DUSP2: variants seen among roughly 807,000 people sequenced by gnomAD.
DUSP2 encodes dual specificity phosphatase 2.
In DUSP2, 20 loss-of-function variants were observed where a neutral mutation model predicts 23.3. The observed-to-expected ratio is 0.86, with a 90% CI of 0.60 to 1.25. The LOEUF is 1.25. DUSP2 is among the 50% of genes most tolerant of loss of function. The pLI is 0.00. For missense variants in DUSP2, 435 were observed against 452.6 expected (o/e 0.96, Z 0.35); for synonymous variants, 231 against 209.7 (o/e 1.10, Z -0.88).
intron 2 of DUSP2, 98 bp from the exon 3 acceptor site, chr2:96,144,471 G>T: frequency 1.6e-6 from 2 of 1,222,090 alleles, no homozygotes; most frequent in Non-Finnish European, 2.3e-6. Context: ...GAGACAAGAG[G>T]ACTCCTCAGC....
At chr2:96,144,088 AGACAGGT>A in intron 3 of DUSP2, 51 bp from the exon 4 acceptor site, 1 of 1,612,390 alleles carries the variant, frequency 6.2e-7, no homozygotes, top group Middle Eastern at 1.7e-4. Context: ...ACAGCCCAGG[AGACAGGT>A]GCCCCCAGTC....
Position 96,144,191 on chromosome 2 carries a change from C to G in DUSP2, c.693G>C (p.Glu231Asp), listed in dbSNP as rs199945308. 6.2e-7 allele frequency: 1 copy of G among 1,614,156 alleles called. No homozygotes were observed. The highest frequency in any genetic ancestry group is 8.5e-7 in the Non-Finnish European group (1 of 1,180,034). Residue 231 changes from glutamate (E) to aspartate (D), a missense_variant, in exon 3 of 4, where the codon GAG (glutamate) becomes GAC (aspartate). By Grantham distance (45) the Glu-to-Asp change is conservative. Transcript: ENST00000288943. ...SIPVEDNQMV[E>D]ISAWFQEAIG... ...TGGCCTCCTGGAACCAGGCACTGAT[C>G]TCCACCATCTGGTTGTCCTCCACAG...
At chr2:96,144,940 C>T (rs1455012331) in intron 1 of DUSP2, 27 bp downstream of exon 1, 2 of 1,548,136 alleles carry the variant, frequency 1.3e-6, no homozygotes, top group Non-Finnish European at 1.7e-6. Flanking sequence ...TCGGGTGGGG[C>T]GGGCCAAGGG....
intron 2 of DUSP2, 64 bp from the exon 3 acceptor site, chr2:96,144,437 G>T (rs1682464608): frequency 1.9e-6 from 3 of 1,539,222 alleles, no homozygotes; most frequent in Non-Finnish European, 1.8e-6. Context: ...GAGCAGCAGC[G>T]GGTGGAGACC....
In DUSP2 at chr2:96,144,475, C is replaced by T. The variant is rs1682465798; in HGVS notation, c.511-102G>A. The T allele has an allele frequency of 1.2e-5, 14 of 1,150,058 alleles. No individual in the cohort carries two copies. The Admixed American group carries it at 2.8e-4, about 23-fold the overall frequency. The allele number at this position is 1,150,058 out of a possible 1,614,324, so 71.2% of individuals were successfully genotyped here. A position where few individuals can be genotyped will look rare whatever the true frequency, so the allele number is the denominator to read the frequency against. ...ATGGGCTGGCCGAGACAAGAGGACT[C>T]CTCAGCCAGTCCTCCTGACCTGAGA... On this transcript the variant is annotated intron_variant, in intron 2 of 3. Coordinates refer to ENST00000288943, the MANE Select transcript of DUSP2 (RefSeq NM_004418.4).
chr2:96,145,236 CG>C lies in DUSP2; in HGVS notation c.118del (p.Arg40GlyfsTer201). On this transcript the variant is annotated frameshift_variant, in exon 1 of 4. Transcript: ENST00000288943. LOFTEE classifies it high-confidence loss of function. ...LDCRPFLAFC[R>X]RHVRAARPVP... ...TGGCCGCGCGGCGCGCACGTGGCGC[CG>C]GCAGAAGGCCAGGAAGGGGCGGCAG... is the stretch of plus-strand genomic sequence containing the variant. 7.8e-7 allele frequency: 1 copy of C among 1,276,770 alleles called. No homozygotes were observed. The highest frequency in any genetic ancestry group is 9.8e-7 in the Non-Finnish European group (1 of 1,018,674). 79.1% of individuals were successfully genotyped at this position (1,276,770 alleles called of 1,614,324 possible).
Position 96,143,594 on chromosome 2 carries a change from G to A in DUSP2, c.*229C>T. 3.4e-6 allele frequency: 2 copies of A among 589,318 alleles called. No individual in the cohort carries two copies. Among genetic ancestry groups the A allele is most frequent in the South Asian group, 4.1e-5 (2 of 48,754 alleles). 36.5% of individuals were successfully genotyped at this position (589,318 alleles called of 1,614,324 possible). On this transcript the variant is annotated 3_prime_UTR_variant, in exon 4 of 4. Coordinates refer to ENST00000288943, the MANE Select transcript of DUSP2 (RefSeq NM_004418.4). Reference sequence around the variant, plus strand: ...GAGGGAAAGAGCAGACACACCCTTGGTTCCCGACCCCGAATGAGGGCCAGC... The same window carrying A: ...GAGGGAAAGAGCAGACACACCCTTGATTCCCGACCCCGAATGAGGGCCAGC...
intron 2 of DUSP2, 92 bp downstream of exon 2, chr2:96,144,669 C>T (rs1682471040): frequency 2.4e-6 from 3 of 1,235,510 alleles, no homozygotes; most frequent in South Asian, 1.5e-5. Flanking sequence ...GGGCAAACTG[C>T]TCGCATCCCC....
Position 96,143,655 on chromosome 2 carries a change from G to C in DUSP2, c.*168C>G. On this transcript the variant is annotated 3_prime_UTR_variant, in exon 4 of 4. Transcript: ENST00000288943. ...CAGCAGAAGAGCACCAGGTCGGAAA[G>C]ACCAGCATGCCGGCATTCCTAGAGC... The C allele has an allele frequency of 2.5e-6, 2 of 805,596 alleles. No individual in the cohort carries two copies. The highest frequency in any genetic ancestry group is 3.9e-6 in the Non-Finnish European group (2 of 515,774). The allele number at this position is 805,596 out of a possible 1,614,324, so 49.9% of individuals were successfully genotyped here. A position where few individuals can be genotyped will look rare whatever the true frequency, so the allele number is the denominator to read the frequency against.
In DUSP2 at chr2:96,144,008, G is replaced by A; in HGVS notation, c.760C>T (p.Leu254=). 6.2e-7 allele frequency: 1 copy of A among 1,613,808 alleles called. No individual in the cohort carries two copies. Among genetic ancestry groups the A allele is most frequent in the South Asian group, 1.1e-5 (1 of 91,078 alleles). ...GAGATACCCGCCTGGCAGTGCACCA[G>A]CACCCGGCCTCCGCTGTTCTTCACC... is the stretch of plus-strand genomic sequence containing the variant. The part of the protein sequence containing the change: ...DWVKNSGGRV[L]VHCQAGISRS... The change falls in exon 4 of 4, where the codon CTG becomes TTG. Residue 254 remains leucine, a synonymous_variant. Transcript: ENST00000288943.
At position 96,143,865 on chromosome 2, in the gene DUSP2, C is replaced by T. The variant is rs1370835146; in HGVS notation, c.903G>A (p.Met301Ile). The T allele has an allele frequency of 1.2e-6, 2 of 1,613,520 alleles. No individual in the cohort carries two copies. Among genetic ancestry groups the T allele is most frequent in the Admixed American group, 1.7e-5 (1 of 60,008 alleles). ...GGGTCTCAAACTGCAGCAGCTGCCC[C>T]ATGAAACTGAAGTTGGGGGAGATGA... is the stretch of plus-strand genomic sequence containing the variant. ...RGVISPNFSF[M>I]GQLLQFETQV... Residue 301 changes from methionine to isoleucine, a missense_variant, in exon 4 of 4, where the codon ATG becomes ATA. Coordinates refer to ENST00000288943, the MANE Select transcript of DUSP2 (RefSeq NM_004418.4).
intron 3 of DUSP2, 45 bp from the exon 4 acceptor site, chr2:96,144,082 C>G: frequency 6.2e-7 from 1 of 1,612,392 alleles, no homozygotes; most frequent in African/African-American, 1.3e-5. Context: ...ATGTGCACAG[C>G]CCAGGAGACA....
Position 96,144,390 on chromosome 2 carries a change from G to A in DUSP2, c.511-17C>T. 6.2e-7 allele frequency: 1 copy of A among 1,606,834 alleles called. No individual in the cohort carries two copies. Among genetic ancestry groups the A allele is most frequent in the South Asian group, 1.1e-5 (1 of 90,924 alleles). On this transcript the variant is annotated splice_polypyrimidine_tract_variant and intron_variant, in intron 2 of 3. Coordinates refer to ENST00000288943, the MANE Select transcript of DUSP2 (RefSeq NM_004418.4). ...AGGGCCACCCTGGAGGGAACAGAGG[G>A]GCGGTGAGGCCTTTCCAGCCCAGCC...
rs747722629 is a variant in DUSP2, at chr2:96,143,941, C to G, written c.827G>C (p.Arg276Pro). Residue 276 changes from arginine to proline, a missense_variant, in exon 4 of 4, where the codon CGC becomes CCC. Physicochemically the swap from Arg to Pro is moderately radical, Grantham distance 103. Coordinates refer to ENST00000288943, the MANE Select transcript of DUSP2 (RefSeq NM_004418.4). Reference sequence around the variant, plus strand: ...AAAGGCCTCGTCCAGCCGCACACGGCGACTCTGCATGAGGTATGCCAGACA... The same window carrying G: ...AAAGGCCTCGTCCAGCCGCACACGGGGACTCTGCATGAGGTATGCCAGACA... The part of the protein sequence containing the change: ...TICLAYLMQS[R>P]RVRLDEAFDF... The G allele has an allele frequency of 1.2e-6, 2 of 1,613,790 alleles. No homozygotes were observed. Among genetic ancestry groups the G allele is most frequent in the South Asian group, 2.2e-5 (2 of 91,076 alleles).
In DUSP2 at chr2:96,144,982, C is replaced by G; in HGVS notation, c.373G>C (p.Val125Leu). 6.5e-7 allele frequency: 1 copy of G among 1,545,092 alleles called. No homozygotes were observed. The highest frequency in any genetic ancestry group is 2.4e-5 in the East Asian group (1 of 41,754). The change falls in exon 1 of 4, where the codon GTG becomes CTG. Residue 125 changes from valine to leucine, a missense_variant. Val to Leu is a conservative substitution (Grantham distance 32). Coordinates refer to ENST00000288943, the MANE Select transcript of DUSP2 (RefSeq NM_004418.4). ...LHETRAGPTA[V>L]YFLRGGFDGF... ...GCTTGCTCACCTCGCAGGAAGTACA[C>G]GGCAGTGGGCCCCGCGCGGGTCTCG...
chr2:96,144,225 T>C lies in DUSP2; in HGVS notation c.659A>G (p.Lys220Arg), dbSNP rs1307944043. The change falls in exon 3 of 4, where the codon AAG becomes AGG. Residue 220 changes from lysine (K) to arginine (R), a missense_variant. By Grantham distance (26) the Lys-to-Arg change is conservative (BLOSUM62 2). Transcript: ENST00000288943. ...PNHFEGLFRY[K>R]SIPVEDNQMV... Reference sequence around the variant, plus strand: ...CTGGTTGTCCTCCACAGGGATACTCTTGTAGCGGAAAAGGCCCTCAAAGTG... The same window carrying C: ...CTGGTTGTCCTCCACAGGGATACTCCTGTAGCGGAAAAGGCCCTCAAAGTG... 1.2e-6 allele frequency: 2 copies of C among 1,613,988 alleles called. No individual in the cohort carries two copies. Among genetic ancestry groups the C allele is most frequent in the African/African-American group, 2.7e-5 (2 of 74,932 alleles).
chr2:96,145,229 G>A lies in DUSP2; in HGVS notation c.126C>T (p.His42=). 7.8e-7 allele frequency: 1 copy of A among 1,275,592 alleles called. No individual in the cohort carries two copies. Among genetic ancestry groups the A allele is most frequent in the Non-Finnish European group, 9.8e-7 (1 of 1,018,276 alleles). 79.0% of individuals were successfully genotyped at this position (1,275,592 alleles called of 1,614,324 possible). A position where few individuals can be genotyped will look rare whatever the true frequency, so the allele number is the denominator to read the frequency against. ...CRPFLAFCRR[H]VRAARPVPWN... is the part of the protein sequence containing the mutation. ...AAGGCACTGGCCGCGCGGCGCGCACGTGGCGCCGGCAGAAGGCCAGGAAGG... is the reference window on the plus strand; with the variant it reads ...AAGGCACTGGCCGCGCGGCGCGCACATGGCGCCGGCAGAAGGCCAGGAAGG... The change falls in exon 1 of 4, where the codon CAC becomes CAT. Residue 42 remains histidine (H), a synonymous_variant. Coordinates refer to ENST00000288943, the MANE Select transcript of DUSP2 (RefSeq NM_004418.4).
chr2:96,145,410 T>A lies in DUSP2; in HGVS notation c.-56A>T. The A allele has an allele frequency of 7.7e-7, 1 of 1,299,926 alleles. No individual in the cohort carries two copies. Among genetic ancestry groups the A allele is most frequent in the Non-Finnish European group, 9.8e-7 (1 of 1,021,804 alleles). The allele number at this position is 1,299,926 out of a possible 1,614,324, so 80.5% of individuals were successfully genotyped here. Reference sequence around the variant, plus strand: ...GTCTTTCCCGCGTCCCGGGCTCTCGTGGCGGTGGCGCTGCCCGAGCGGTCG... The same window carrying A: ...GTCTTTCCCGCGTCCCGGGCTCTCGAGGCGGTGGCGCTGCCCGAGCGGTCG... On this transcript the variant is annotated 5_prime_UTR_variant, in exon 1 of 4. Coordinates refer to ENST00000288943, the MANE Select transcript of DUSP2 (RefSeq NM_004418.4).
rs748669725 is a variant in DUSP2, at chr2:96,144,794, G to C, written c.477C>G (p.Ser159Arg). Residue 159 changes from serine to arginine, a missense_variant, in exon 2 of 4, where the codon AGC (serine) becomes AGG (arginine). By Grantham distance (110) the Ser-to-Arg change is moderately radical. Coordinates refer to ENST00000288943, the MANE Select transcript of DUSP2 (RefSeq NM_004418.4). ...PALPPTGDKT[S>R]RSDSRAPVYD... is the part of the protein sequence containing the mutation. ...AGACAGGAGCCCTGGAGTCGGAGCG[G>C]CTGGTTTTGTCCCCTGTTGGCGGCA... The C allele has an allele frequency of 6.3e-7, 1 of 1,586,888 alleles. No homozygotes were observed. Among genetic ancestry groups the C allele is most frequent in the Non-Finnish European group, 8.6e-7 (1 of 1,168,020 alleles).
Sources: allele counts gnomAD v4.1 joint callset, GRCh38; gene constraint gnomAD v4.1.1; transcripts MANE v1.5; gene names NCBI Gene and HGNC (gene_info 2026-07-23, HGNC 2026-07-21).